Variants in CERS5 observed in about 807,000 individuals in gnomAD.
The protein encoded by CERS5 is LAG1 homolog, ceramide synthase 5.
Under a neutral mutation model 58.9 loss-of-function variants are expected in CERS5, and 37 were observed. That is an observed-to-expected ratio of 0.63 (90% CI 0.48 to 0.83). The LOEUF is 0.83. Among genes scored for constraint, CERS5 ranks in the 40% least tolerant of loss-of-function variants. The pLI, the probability that CERS5 is intolerant of heterozygous loss-of-function variation, is 0.00. For missense variants in CERS5, 398 were observed against 489.3 expected (o/e 0.81, Z 1.76); for synonymous variants, 147 against 177.8 (o/e 0.83, Z 1.38).
chr12:50,143,977 T>A lies in CERS5; in HGVS notation c.278A>T (p.Glu93Val), dbSNP rs1952122955. The A allele has an allele frequency of 2.5e-6, 4 of 1,610,080 alleles. No homozygotes were observed. Among genetic ancestry groups the A allele is most frequent in the Admixed American group, 3.3e-5 (2 of 59,992 alleles). ...CTTGGTAATAGATATGAACACCTTT[T>A]CAAGGATGGCATTGGGTTGGGCCTG... ...PYQAQPNAIL[E>V]KVFISITKYP... is the part of the protein sequence containing the mutation. Residue 93 changes from glutamate to valine, a missense_variant, in exon 2 of 10, where the codon GAA (glutamate) becomes GTA (valine). Around this residue, in one of 3 missense-constraint regions of CERS5, gnomAD observed 328 missense variants for 384.5 expected, o/e 0.85. Coordinates refer to ENST00000317551, the MANE Select transcript of CERS5 (RefSeq NM_147190.5).
chr12:50,143,944 C>T lies in CERS5; in HGVS notation c.303+8G>A. Reference sequence around the variant, plus strand: ...TGAATATTCCTCTCTGTTTCTTTGCCCACTTACCTTGGTAATAGATATGAA... The same window carrying T: ...TGAATATTCCTCTCTGTTTCTTTGCTCACTTACCTTGGTAATAGATATGAA... On this transcript the variant is annotated splice_region_variant and intron_variant, in intron 2 of 9. Transcript: ENST00000317551. The T allele has an allele frequency of 1.3e-6, 2 of 1,541,028 alleles. No individual in the cohort carries two copies. The highest frequency in any genetic ancestry group is 2.2e-5 in the South Asian group (2 of 89,406).
At chr12:50,137,910 C>G in intron 5 of CERS5, 90 bp from the exon 6 acceptor site, 1 of 783,892 alleles carries the variant, frequency 1.3e-6, no homozygotes, top group Non-Finnish European at 2.2e-6. Context: ...GACCAATACC[C>G]CAAATTATTA....
chr12:50,144,303 T>C (rs988645526), intron 1 of CERS5: 4 of 396,308 alleles, frequency 1.0e-5, no homozygotes, highest in African/African-American at 8.0e-5. Flanking sequence ...GCCACTGTGC[T>C]GGCTGGAAGC....
At chr12:50,144,099 A>T (rs754379481) in intron 1 of CERS5, 42 bp from the exon 2 acceptor site, 7 of 1,152,302 alleles carry the variant, frequency 6.1e-6, no homozygotes, top group Non-Finnish European at 5.2e-6. Context: ...TTTTAAAAAA[A>T]TTTTATTTAT....
chr12:50,133,449 G>C, intron 9 of CERS5: 2 of 1,000,762 alleles, frequency 2.0e-6, no homozygotes, highest in Non-Finnish European at 2.4e-6. Context: ...GTGGGGTGAG[G>C]TGGGTATTTA....
chr12:50,143,725 T>G (rs1952106661), intron 2 of CERS5: 2 of 465,256 alleles, frequency 4.3e-6, no homozygotes, highest in Non-Finnish European at 7.7e-6. Flanking sequence ...TAAGGGTGGC[T>G]GCTGGGCCTA....
intron 6 of CERS5, among the ~76,000 whole-genome samples, chr12:50,137,299 ACTTT>A (rs1488819059): frequency 6.6e-6 from 1 of 152,102 alleles, no homozygotes; most frequent in Non-Finnish European, 1.5e-5. Context: ...CTTCCAATTG[ACTTT>A]CTTTGAGTAA....
At position 50,132,868 on chromosome 12, in the gene CERS5, C is replaced by A. The variant is rs575893215; in HGVS notation, c.1029+1678G>T. 23 of 1,250,152 alleles carry A rather than the reference C, an allele frequency of 1.8e-5. No individual in the cohort carries two copies. The African/African-American group carries it at 3.2e-4, about 18-fold the overall frequency. 77.4% of individuals were successfully genotyped at this position (1,250,152 alleles called of 1,614,324 possible). A position where few individuals can be genotyped will look rare whatever the true frequency, so the allele number is the denominator to read the frequency against. The stretch of plus-strand genomic sequence containing the variant: ...TCAGGAGAGAGGGCATGCTCTGAGA[C>A]AAACACAAGGGAACAGAAAGGAGAG... On this transcript the variant is annotated intron_variant, in intron 9 of 9. Coordinates refer to ENST00000317551, the MANE Select transcript of CERS5 (RefSeq NM_147190.5).
At chr12:50,156,438 A>ATATATATATATATAT (rs1555198356) in intron 1 of CERS5, among the ~76,000 whole-genome samples, 36 of 123,246 alleles carry the variant, frequency 2.9e-4, no homozygotes, top group Non-Finnish European at 3.7e-4. Context: ...ATATATATAT[A>ATATATATATATATAT]AAACAATTAG....
chr12:50,167,124 G>T lies in CERS5; in HGVS notation c.174C>A (p.Phe58Leu). Residue 58 changes from phenylalanine to leucine, a missense_variant, in exon 1 of 10, where the codon TTC (phenylalanine) becomes TTA (leucine). Phe to Leu is a conservative substitution (Grantham distance 22, BLOSUM62 0). Around this residue, in one of 3 missense-constraint regions of CERS5, gnomAD observed 328 missense variants for 384.5 expected, o/e 0.85. Coordinates refer to ENST00000317551, the MANE Select transcript of CERS5 (RefSeq NM_147190.5). The stretch of plus-strand genomic sequence containing the variant: ...ACCGCTCGAAGAGCAGCCTCACGAA[G>T]AAGATGCCCGCCGCCAGCGGGAACA... ...LSVFPLAAGI[F>L]FVRLLFERFI... The T allele has an allele frequency of 6.4e-7, 1 of 1,561,406 alleles. No individual in the cohort carries two copies. The highest frequency in any genetic ancestry group is 2.4e-5 in the East Asian group (1 of 41,286).
At chr12:50,146,918 TTTA>T (rs1049587208) in intron 1 of CERS5, among the ~76,000 whole-genome samples, 1 of 152,048 alleles carries the variant, frequency 6.6e-6, no homozygotes, top group Non-Finnish European at 1.5e-5. Context: ...AGAATGAAGC[TTTA>T]TTATATTTTC....
intron 1 of CERS5, among the ~76,000 whole-genome samples, chr12:50,154,910 G>A (rs1428805265): frequency 6.6e-6 from 1 of 152,134 alleles, no homozygotes; most frequent in South Asian, 2.1e-4. Flanking sequence ...CCAGGCTGGA[G>A]TGCAGTGGCG....
chr12:50,135,308 AGTGTGTGTGTGTGTGTGT>A (rs56858635), intron 8 of CERS5: 31 of 168,898 alleles, frequency 1.8e-4, no homozygotes, highest in South Asian at 2.7e-4. Flanking sequence ...GAGAGAGAGG[AGTGTGTGTGTGTGTGTGT>A]GTGTGTGTGT....
chr12:50,138,898 A>C (rs575512053), intron 4 of CERS5, among the ~76,000 whole-genome samples: 1 of 152,340 alleles, frequency 6.6e-6, no homozygotes, highest in East Asian at 1.9e-4. Context: ...CAGGAAGACA[A>C]TGATTCATTT....
intron 1 of CERS5, chr12:50,148,454 A>C: frequency 4.4e-6 from 1 of 225,094 alleles, no homozygotes. Flanking sequence ...AAAATTAGCC[A>C]GGCATGGCGG....
chr12:50,141,120 G>A (rs1214337595), intron 4 of CERS5, among the ~76,000 whole-genome samples: 1 of 151,996 alleles, frequency 6.6e-6, no homozygotes, highest in Non-Finnish European at 1.5e-5. Flanking sequence ...GCTCCATCAC[G>A]GCTCACTGCA....
At position 50,144,873 on chromosome 12, in the gene CERS5, C is replaced by G. The variant is rs186265857; in HGVS notation, c.198-816G>C. 1,245 of 1,084,126 alleles carry G rather than the reference C, an allele frequency of 1.1e-3. 33 individuals carry two copies. In the Admixed American group the frequency reaches 0.028, roughly 24 times the overall value. The allele number at this position is 1,084,126 out of a possible 1,614,324, so 67.2% of individuals were successfully genotyped here. ...TAAAAAAGCCGGGCGTGGTGGCTCA[C>G]GCCTGTAATCCCAGCACTTTGGGAG... On this transcript the variant is annotated intron_variant, in intron 1 of 9. Transcript: ENST00000317551.
Position 50,135,901 on chromosome 12 carries a change from AGAG to A in CERS5, c.765+37_765+39del, listed in dbSNP as rs762927757. 1.3e-5 allele frequency: 20 copies of A among 1,582,496 alleles called. No homozygotes were observed. In the African/African-American group the frequency reaches 1.8e-4, roughly 14 times the overall value. On this transcript the variant is annotated intron_variant, in intron 7 of 9. Coordinates refer to ENST00000317551, the MANE Select transcript of CERS5 (RefSeq NM_147190.5). ...TCATTCCTCACATAGGAAGAAAAGAAGAGAAGAAGAAGATGGAGAAAGAGAGAT... is the reference window on the plus strand; with the variant it reads ...TCATTCCTCACATAGGAAGAAAAGAAAAGAAGAAGATGGAGAAAGAGAGAT...
chr12:50,145,298 C>T (rs1019869540), intron 1 of CERS5, among the ~76,000 whole-genome samples: 47 of 151,472 alleles, frequency 3.1e-4, no homozygotes, highest in African/African-American at 1.1e-3. Flanking sequence ...GGAACTATTC[C>T]TTGGTTCTTC....
Sources: allele counts gnomAD v4.1 joint callset (sites outside exome capture counted in the v4.1 genomes callset), GRCh38; gene constraint gnomAD v4.1.1; regional missense constraint gnomAD v4.1.1; transcripts MANE v1.5; gene names NCBI Gene and HGNC (gene_info 2026-07-23, HGNC 2026-07-21).